The following MAP7D3 variants were observed in gnomAD, a reference collection of about 807,000 sequenced individuals.
MAP7D3 encodes the protein MAP7 domain containing 3, also known as MAP7 domain-containing protein 3.
In MAP7D3, 45 loss-of-function variants were observed where a neutral mutation model predicts 62.2. That is an observed-to-expected ratio of 0.72 (90% CI 0.57 to 0.93). MAP7D3 has a LOEUF of 0.93. Among genes scored for constraint, MAP7D3 ranks in the 40% least tolerant of loss-of-function variants. MAP7D3 has a pLI of 0.00. For missense variants in MAP7D3, 711 were observed against 683.1 expected, an observed-to-expected ratio of 1.04 and a Z score of -0.45; for synonymous variants, 288 against 248.8, an observed-to-expected ratio of 1.16 and a Z score of -1.48.
upstream of MAP7D3, among the ~76,000 whole-genome samples, chrX:136,254,752 C>CGA (rs2074541858): frequency 8.9e-6 from 1 of 111,805 alleles, no homozygotes; most frequent in African/African-American, 3.3e-5. Flanking sequence ...GTAACCACGT[C>CGA]TTAATTCCAG....
rs1159531521 is a variant in MAP7D3 at position 136,222,142 on chromosome X, TTAAAA to T, written c.2287+246_2287+250del. Among the ~76,000 whole-genome samples the T allele has an allele frequency of 3.6e-5, 4 of 112,565 alleles. No homozygotes were observed. In the Admixed American group the frequency reaches 3.8e-4, roughly 11 times the overall value. ...TGTCTACAGTCCATTAGCATGGTCT[TTAAAA>T]TAATAAGCAGCAGCAGCTGATATTT... is the stretch of plus-strand genomic sequence containing the variant. On this transcript the variant is annotated intron_variant, in intron 15 of 18. Transcript: ENST00000316077.
chrX:136,223,224 T>C (rs779537957), intron 14 of MAP7D3, among the ~76,000 whole-genome samples: 2 of 111,327 alleles, frequency 1.8e-5, no homozygotes, highest in Non-Finnish European at 3.8e-5. Context: ...GAAAATGGCA[T>C]TTCTACTCTA....
At chrX:136,225,320 G>A (rs1004201318) in intron 13 of MAP7D3, among the ~76,000 whole-genome samples, 1 of 111,852 alleles carries the variant, frequency 8.9e-6, no homozygotes, top group Non-Finnish European at 1.9e-5. Context: ...AGGAGGTGGA[G>A]GAGAAATATA....
intron 16 of MAP7D3, 83 bp downstream of exon 16, chrX:136,220,682 A>G (rs762496624): frequency 6.9e-4 from 557 of 806,042 alleles, no homozygotes; most frequent in Non-Finnish European, 9.2e-4. Flanking sequence ...TAAGAGCACA[A>G]GAGATCATAT....
chrX:136,251,252 G>A, intron 1 of MAP7D3, 37 bp downstream of exon 1: 1 of 1,101,353 alleles, frequency 9.1e-7, no homozygotes, highest in Non-Finnish European at 1.2e-6. Flanking sequence ...CTCCCACGCG[G>A]GCCCGAACCA....
At chrX:136,235,255 TA>T (rs1429143354) in intron 7 of MAP7D3, among the ~76,000 whole-genome samples, 1 of 112,561 alleles carries the variant, frequency 8.9e-6, no homozygotes, top group East Asian at 2.8e-4. Flanking sequence ...ACACTTTTGT[TA>T]AAAGTAAATT....
chrX:136,219,267 A>G (rs1489595885), intron 18 of MAP7D3, 131 bp downstream of exon 18: 1 of 430,400 alleles, frequency 2.3e-6, no homozygotes, highest in Non-Finnish European at 4.0e-6. Context: ...ATTCCTGCAG[A>G]CCCACAACTG....
rs1420043121 is a variant in MAP7D3 at position 136,217,933 on chromosome X, T to A, written c.*593A>T. ...AGCCAGGTGTGGTGGCACATGCCTG[T>A]AATCCCAGCTACTGGGGAGGCTGAG... On this transcript the variant is annotated 3_prime_UTR_variant, in exon 19 of 19. Transcript: ENST00000316077. 4.6e-5 allele frequency: 5 copies of A among 109,700 alleles called. No individual in the cohort carries two copies. In the East Asian group the frequency reaches 1.1e-3, roughly 25 times the overall value. The allele number at this position is 109,700 out of a possible 1,213,427, so 9.0% of individuals were successfully genotyped here.
At chrX:136,251,417 G>A, upstream of MAP7D3, 2 of 987,965 alleles carry the variant, frequency 2.0e-6, no homozygotes, top group Non-Finnish European at 2.6e-6. Flanking sequence ...GCGTCGGCGC[G>A]GCCTCCGCTT....
chrX:136,238,736 G>A (rs2074357057), intron 6 of MAP7D3, among the ~76,000 whole-genome samples: 2 of 111,416 alleles, frequency 1.8e-5, no homozygotes, highest in African/African-American at 3.3e-5. Context: ...AATTTTAAGA[G>A]TCCTAAAAGT....
chrX:136,244,541 G>T, intron 4 of MAP7D3, 91 bp downstream of exon 4: 1 of 812,392 alleles, frequency 1.2e-6, no homozygotes, highest in Admixed American at 2.8e-5. Context: ...TTTCTACAGG[G>T]CAAGTAAGGC....
intron 12 of MAP7D3, among the ~76,000 whole-genome samples, chrX:136,227,074 A>AGCCAAGATTGT (rs1378560833): frequency 8.9e-6 from 1 of 111,784 alleles, no homozygotes; most frequent in East Asian, 2.8e-4. Context: ...GGTTGCAGTG[A>AGCCAAGATTGT]GCCAAGATTG....
chrX:136,255,992 G>A (rs994478293), upstream of MAP7D3: 435 of 671,560 alleles, frequency 6.5e-4, 5 homozygotes, highest in Middle Eastern at 8.5e-4. Flanking sequence ...CCAATCTAGC[G>A]AATTTGCATG....
chrX:136,236,109 C>A, intron 7 of MAP7D3, 135 bp downstream of exon 7: 1 of 428,339 alleles, frequency 2.3e-6, no homozygotes, highest in Non-Finnish European at 4.0e-6. Context: ...AGCATGGCAC[C>A]AAAGCACATT....
At chrX:136,230,108 G>A (rs1201655377) in intron 10 of MAP7D3, among the ~76,000 whole-genome samples, 2 of 105,505 alleles carry the variant, frequency 1.9e-5, no homozygotes, top group Non-Finnish European at 3.9e-5. Flanking sequence ...TGGGATTATA[G>A]GCGTGAGCTA....
intron 1 of MAP7D3, among the ~76,000 whole-genome samples, chrX:136,249,592 A>T (rs896845930): frequency 8.9e-6 from 1 of 112,318 alleles, no homozygotes. Context: ...TGCATACATA[A>T]ATGTATAAAA....
At chrX:136,220,328 T>A (rs1456293151) in intron 16 of MAP7D3, among the ~76,000 whole-genome samples, 1 of 111,735 alleles carries the variant, frequency 8.9e-6, no homozygotes, top group Non-Finnish European at 1.9e-5. Flanking sequence ...AATAATAAAA[T>A]GAGGATATTA....
At chrX:136,256,311 G>C (rs372476251), upstream of MAP7D3, 1 of 1,152,832 alleles carries the variant, frequency 8.7e-7, no homozygotes, top group East Asian at 3.3e-5. Context: ...TACCTCGGGG[G>C]CTGGTCATGT....
chrX:136,244,448 G>T (rs1474179181), intron 4 of MAP7D3, among the ~76,000 whole-genome samples, 184 bp downstream of exon 4: 4 of 111,318 alleles, frequency 3.6e-5, no homozygotes, highest in Non-Finnish European at 7.5e-5. Flanking sequence ...TCAGCTCCTG[G>T]CATCTTATCA....
Sources: gnomAD v4.1 joint callset for allele counts (sites outside exome capture counted in the v4.1 genomes callset) on GRCh38, gnomAD v4.1.1 for gene constraint, MANE v1.5 for transcripts, NCBI Gene and HGNC (gene_info 2026-07-23, HGNC 2026-07-21) for gene names.